The following CAMTA1 variants were observed in gnomAD, a reference collection of about 807,000 sequenced individuals.
The protein encoded by CAMTA1 is calmodulin binding transcription activator 1.
In CAMTA1, 27 loss-of-function variants were observed where a neutral mutation model predicts 170.9. The observed-to-expected ratio is 0.16, with a 90% CI of 0.12 to 0.22. The LOEUF (loss-of-function observed/expected upper bound fraction) is 0.22. CAMTA1 is among the 10% of genes least tolerant of loss of function. CAMTA1 has a pLI of 1.00. For synonymous variants in CAMTA1, 833 were observed against 891.5 expected, an observed-to-expected ratio of 0.93 and a Z score of 1.17; for missense variants, 1,619 against 2,217.2, an observed-to-expected ratio of 0.73 and a Z score of 5.42.
At chr1:7,556,556 C>T (rs561140118) in intron 6 of CAMTA1, among the ~76,000 whole-genome samples, 61 of 152,314 alleles carry the variant, frequency 4.0e-4, no homozygotes, top group African/African-American at 1.4e-3. Context: ...CACATCACCT[C>T]GCCAATTCAA....
intron 5 of CAMTA1, among the ~76,000 whole-genome samples, chr1:7,457,905 C>T (rs1466151163): frequency 6.6e-6 from 1 of 152,182 alleles, no homozygotes; most frequent in African/African-American, 2.4e-5. Context: ...CGCGGAGCTC[C>T]GGCCGACCCA....
chr1:7,451,552 C>T (rs1381182505), intron 5 of CAMTA1, among the ~76,000 whole-genome samples: 3 of 152,196 alleles, frequency 2.0e-5, no homozygotes, highest in Admixed American at 6.5e-5. Flanking sequence ...TACCAGAATA[C>T]GCACTGTGTG....
intron 4 of CAMTA1, among the ~76,000 whole-genome samples, chr1:7,107,657 C>A (rs1456467188): frequency 6.6e-6 from 1 of 152,162 alleles, no homozygotes; most frequent in African/African-American, 2.4e-5. Flanking sequence ...TGTGCACGCT[C>A]TGTGGGAGCC....
At position 7,635,424 on chromosome 1, in the gene CAMTA1, G is replaced by A. The variant is rs986233895; in HGVS notation, c.511-4976G>A. On this transcript the variant is annotated intron_variant, in intron 6 of 22. Coordinates refer to ENST00000303635, the MANE Select transcript of CAMTA1 (RefSeq NM_015215.4). This position sits in a 1 kb window ranked among gnomAD's most constrained non-coding sequence, Gnocchi z 4.4. ...ACACCGAGACTATCCTGGCTAACAC[G>A]GTGAAACCCCGTCTCTACTAAAAAA... 2.0e-5 allele frequency among the ~76,000 whole-genome samples: 3 copies of A among 151,924 alleles called. No homozygotes were observed. Among genetic ancestry groups the A allele is most frequent in the Non-Finnish European group, 2.9e-5 (2 of 67,980 alleles).
At chr1:7,756,461 T>A (rs2096932373) in intron 22 of CAMTA1, among the ~76,000 whole-genome samples, 1 of 152,196 alleles carries the variant, frequency 6.6e-6, no homozygotes, top group Non-Finnish European at 1.5e-5. Context: ...TGATGCTAGT[T>A]TGTAAGCAGG....
rs1404072905 is a variant in CAMTA1 at position 7,276,282 on chromosome 1, T to C, written c.438+26656T>C. On this transcript the variant is annotated intron_variant, in intron 5 of 22. Transcript: ENST00000303635. ...TACAGAAAGCCTACACCTGATCATA[T>C]ATATATATATATATATATATATTTT... is the stretch of plus-strand genomic sequence containing the variant. Among the ~76,000 whole-genome samples, 2 of 59,822 alleles carry C rather than the reference T, an allele frequency of 3.3e-5. 1 individual carries two copies. The highest frequency in any genetic ancestry group is 9.0e-4 in the East Asian group (2 of 2,224). 39.2% of individuals were successfully genotyped at this position (59,822 alleles called of 152,430 possible).
At chr1:7,601,245 G>A (rs1240214153) in intron 6 of CAMTA1, among the ~76,000 whole-genome samples, 3 of 150,792 alleles carry the variant, frequency 2.0e-5, no homozygotes, top group South Asian at 2.1e-4. Flanking sequence ...CCGGGCGGAG[G>A]GGCTCCTCAC....
chr1:7,751,042 T>A (rs1291257770), intron 19 of CAMTA1, 157 bp from the exon 20 acceptor site: 2 of 746,496 alleles, frequency 2.7e-6, no homozygotes. Context: ...GTGTAAAGAT[T>A]CCTCATTTGC....
rs915990105 is a variant in CAMTA1, at chr1:6,845,265, C to T, written c.234+20055C>T. Among the ~76,000 whole-genome samples the T allele has an allele frequency of 8.5e-5, 13 of 152,104 alleles. 1 individual carries two copies. Among genetic ancestry groups the T allele is most frequent in the South Asian group, 6.2e-4 (3 of 4,826 alleles). On this transcript the variant is annotated intron_variant, in intron 3 of 22. Transcript: ENST00000303635. ...AGGGGCTTCTGTTCGCTGACAAGGC[C>T]GGCAGTTGGGGGAAAAAGCTAGTGA... is the stretch of plus-strand genomic sequence containing the variant.
intron 3 of CAMTA1, among the ~76,000 whole-genome samples, chr1:6,837,416 G>A (rs1036719394): frequency 4.6e-5 from 7 of 152,138 alleles, no homozygotes; most frequent in African/African-American, 1.4e-4. Flanking sequence ...TTTTTAGGTG[G>A]TGCTGCAAAG....
At chr1:7,155,859 G>T (rs1183065629) in intron 4 of CAMTA1, among the ~76,000 whole-genome samples, 4 of 152,108 alleles carry the variant, frequency 2.6e-5, no homozygotes, top group Non-Finnish European at 4.4e-5. Flanking sequence ...CACGTGCCTG[G>T]GTGTGGGTGA....
intron 11 of CAMTA1, among the ~76,000 whole-genome samples, chr1:7,714,171 ACTT>A (rs1044654941): frequency 6.6e-6 from 1 of 152,220 alleles, no homozygotes; most frequent in Non-Finnish European, 1.5e-5. Flanking sequence ...CAGTAAAGAG[ACTT>A]CTTGAAAAGT....
intron 6 of CAMTA1, among the ~76,000 whole-genome samples, chr1:7,566,275 G>A (rs1170964120): frequency 6.6e-6 from 1 of 152,170 alleles, no homozygotes; most frequent in Non-Finnish European, 1.5e-5. Flanking sequence ...TTTATAAATG[G>A]CAAAGAGCCA....
intron 3 of CAMTA1, among the ~76,000 whole-genome samples, chr1:6,902,637 T>A (rs1677377180): frequency 1.3e-5 from 2 of 152,206 alleles, no homozygotes; most frequent in African/African-American, 4.8e-5. Flanking sequence ...CAGCTCTGTT[T>A]GTTTGTCAGA....
chr1:7,050,331 T>C lies in CAMTA1; in HGVS notation c.235-40973T>C, dbSNP rs1706125332. Among the ~76,000 whole-genome samples, 1 of 152,156 alleles carries C rather than the reference T, an allele frequency of 6.6e-6. No homozygotes were observed. Among genetic ancestry groups the C allele is most frequent in the African/African-American group, 2.4e-5 (1 of 41,440 alleles). On this transcript the variant is annotated intron_variant, in intron 3 of 22. Transcript: ENST00000303635. This position sits in a 1 kb window ranked among gnomAD's most constrained non-coding sequence, Gnocchi z 4.8. Reference sequence around the variant, plus strand: ...TGTAGATAATAAGCTGCCTGCACCCTGAGCTACTCCAGAGACGGCATCTGT... The same window carrying C: ...TGTAGATAATAAGCTGCCTGCACCCCGAGCTACTCCAGAGACGGCATCTGT...
At chr1:7,440,549 C>G (rs931829837) in intron 5 of CAMTA1, among the ~76,000 whole-genome samples, 5 of 152,236 alleles carry the variant, frequency 3.3e-5, no homozygotes, top group African/African-American at 1.2e-4. Context: ...CTCTGTGTAG[C>G]AGCTATCACA....
intron 3 of CAMTA1, among the ~76,000 whole-genome samples, chr1:7,071,370 T>C (rs1413121041): frequency 1.3e-5 from 2 of 152,248 alleles, no homozygotes; most frequent in African/African-American, 4.8e-5. Flanking sequence ...CCCTGTAAGA[T>C]GTATGGAGTA....
At chr1:6,826,421 A>C (rs937314047) in intron 3 of CAMTA1, among the ~76,000 whole-genome samples, 1 of 152,208 alleles carries the variant, frequency 6.6e-6, no homozygotes, top group Admixed American at 6.5e-5. Flanking sequence ...ACTATTTCAG[A>C]CATTTTTAGA....
At chr1:7,564,919 G>A (rs926366860) in intron 6 of CAMTA1, among the ~76,000 whole-genome samples, 8 of 151,880 alleles carry the variant, frequency 5.3e-5, no homozygotes, top group African/African-American at 1.9e-4. Flanking sequence ...GAAGGAGGGT[G>A]GGGGACAGAG....
Sources: allele counts gnomAD v4.1 joint callset (sites outside exome capture counted in the v4.1 genomes callset), GRCh38; gene constraint gnomAD v4.1.1; non-coding constraint Gnocchi (gnomAD v3.1); transcripts MANE v1.5; gene names NCBI Gene and HGNC (gene_info 2026-07-23, HGNC 2026-07-21).